The following NUP210 variants were observed in gnomAD, a reference collection of about 807,000 sequenced individuals.
The protein encoded by NUP210 is nuclear pore membrane glycoprotein 210.
In NUP210, 151 loss-of-function variants were observed where a neutral mutation model predicts 196.0. The observed-to-expected ratio is 0.77, with a 90% CI of 0.67 to 0.88. The LOEUF is 0.88. Ranked by LOEUF, NUP210 falls within the 40% of genes least tolerant of loss-of-function variation. The pLI is 0.00. For missense variants in NUP210, 2,314 were observed against 2,493.7 expected (o/e 0.93, Z 1.53); for synonymous variants, 1,070 against 1,052.7 (o/e 1.02, Z -0.32).
At chr3:13,403,369 G>A (rs939041292) in intron 1 of NUP210, among the ~76,000 whole-genome samples, 2 of 152,196 alleles carry the variant, frequency 1.3e-5, no homozygotes, top group East Asian at 1.9e-4. Flanking sequence ...CAGAAGGGGC[G>A]AGGGAGCTCT....
intron 20 of NUP210, chr3:13,345,165 C>T: frequency 1.0e-6 from 1 of 985,452 alleles, no homozygotes; most frequent in Non-Finnish European, 1.2e-6. Context: ...GGTCATGGAA[C>T]CTGGTGCTCC....
At chr3:13,335,699 C>T in intron 27 of NUP210, 87 bp from the exon 28 acceptor site, 1 of 1,406,184 alleles carries the variant, frequency 7.1e-7, no homozygotes, top group South Asian at 1.3e-5. Flanking sequence ...GCCCCAGACC[C>T]CCCAGCCCCC....
intron 9 of NUP210, among the ~76,000 whole-genome samples, chr3:13,377,017 C>T (rs547067395): frequency 2.0e-5 from 3 of 152,308 alleles, no homozygotes; most frequent in South Asian, 4.2e-4. Context: ...GTGCTGAGCT[C>T]GGCCTCTGTC....
intron 4 of NUP210, among the ~76,000 whole-genome samples, chr3:13,390,337 A>C (rs115702486): frequency 1.6e-3 from 246 of 152,324 alleles, no homozygotes; most frequent in African/African-American, 5.6e-3. Flanking sequence ...AAAGATTCAA[A>C]AACAACTTTA....
intron 1 of NUP210, among the ~76,000 whole-genome samples, chr3:13,418,194 G>A (rs1446844713): frequency 6.6e-6 from 1 of 152,216 alleles, no homozygotes; most frequent in East Asian, 1.9e-4. Context: ...TTCAGCCTCT[G>A]GCATCAGGCC....
intron 3 of NUP210, 148 bp downstream of exon 3, chr3:13,397,209 C>A: frequency 3.2e-6 from 3 of 934,328 alleles, no homozygotes; most frequent in South Asian, 4.2e-5. Flanking sequence ...TCCCCCAGCA[C>A]CAACTTCACC....
rs1251600785 is a variant in NUP210, at chr3:13,358,232, T to C, written c.2318A>G (p.Asn773Ser). ...ATAGCCCACACTCACCACCTGCTTGTTCTGCTGCAGCAGCGGACAGGACAT... is the reference window on the plus strand; with the variant it reads ...ATAGCCCACACTCACCACCTGCTTGCTCTGCTGCAGCAGCGGACAGGACAT... ...LDMSCPLLQQ[N>S]KQVVPVSSHR... is the part of the protein sequence containing the mutation. The change falls in exon 16 of 40, where the codon AAC (asparagine) becomes AGC (serine). Residue 773 changes from asparagine to serine, a missense_variant. Physicochemically the swap from Asn to Ser is conservative, Grantham distance 46 (BLOSUM62 1). Transcript: ENST00000254508. 2.5e-6 allele frequency: 4 copies of C among 1,607,414 alleles called. No homozygotes were observed. The highest frequency in any genetic ancestry group is 1.1e-5 in the South Asian group (1 of 90,658).
chr3:13,342,164 G>C (rs1330578361), intron 21 of NUP210, 41 bp from the exon 22 acceptor site: 4 of 1,611,588 alleles, frequency 2.5e-6, no homozygotes, highest in South Asian at 1.1e-5. Context: ...GCCTCCAAAA[G>C]ACCAATCCTA....
At chr3:13,406,070 T>C (rs1699992238) in intron 1 of NUP210, among the ~76,000 whole-genome samples, 1 of 152,172 alleles carries the variant, frequency 6.6e-6, no homozygotes, top group Non-Finnish European at 1.5e-5. Context: ...AAGGAAATGT[T>C]CAGTAAATTC....
At chr3:13,412,247 T>TTTTTTTTTTTTA (rs1553605356) in intron 1 of NUP210, among the ~76,000 whole-genome samples, 29 of 135,680 alleles carry the variant, frequency 2.1e-4, no homozygotes, top group African/African-American at 7.8e-4. Flanking sequence ...TTTTTTTTTT[T>TTTTTTTTTTTTA]AGTAGAGACA....
Position 13,391,650 on chromosome 3 carries a change from T to A in NUP210, c.437-343A>T, listed in dbSNP as rs898501023. On this transcript the variant is annotated intron_variant, in intron 3 of 39. Coordinates refer to ENST00000254508, the MANE Select transcript of NUP210 (RefSeq NM_024923.4). ...CCGCACGTCTGTGAGCGGTTTACAA[T>A]TTAGGAGTCTGCTCGGAAACCTGGG... Among the ~76,000 whole-genome samples, 12 of 145,728 alleles carry A rather than the reference T, an allele frequency of 8.2e-5. 1 individual carries two copies. The highest frequency in any genetic ancestry group is 3.0e-4 in the African/African-American group (12 of 39,466).
chr3:13,391,073 G>C, intron 4 of NUP210, 138 bp downstream of exon 4: 1 of 647,580 alleles, frequency 1.5e-6, no homozygotes. Context: ...TCAGACACTC[G>C]GAATGTTACG....
chr3:13,319,131 C>T lies in NUP210; in HGVS notation c.5504G>A (p.Arg1835Gln), dbSNP rs145799181. 62 of 1,609,756 alleles carry T rather than the reference C, an allele frequency of 3.9e-5. No individual in the cohort carries two copies. The highest frequency in any genetic ancestry group is 1.7e-4 in the Middle Eastern group (1 of 6,050). ...IIAYHTVCTPRDLAVPAALTP... is the reference protein window; with the variant it reads ...IIAYHTVCTPQDLAVPAALTP... ...GAGGGCTGCAGGCACAGCAAGATCCCGGGGCGTGCAGACAGTGTGGTAGGC... is the reference window on the plus strand; with the variant it reads ...GAGGGCTGCAGGCACAGCAAGATCCTGGGGCGTGCAGACAGTGTGGTAGGC... The change falls in exon 39 of 40, where the codon CGG (arginine) becomes CAG (glutamine). Residue 1835 changes from arginine (R) to glutamine (Q), a missense_variant. Physicochemically the swap from Arg to Gln is conservative, Grantham distance 43. Transcript: ENST00000254508.
At chr3:13,334,603 T>C (rs889864178) in intron 28 of NUP210, among the ~76,000 whole-genome samples, 3 of 152,192 alleles carry the variant, frequency 2.0e-5, no homozygotes, top group East Asian at 3.8e-4. Flanking sequence ...TTGGGACATA[T>C]AAGGAACACT....
At chr3:13,352,785 G>C (rs145297379) in intron 18 of NUP210, among the ~76,000 whole-genome samples, 1 of 152,166 alleles carries the variant, frequency 6.6e-6, no homozygotes, top group African/African-American at 2.4e-5. Context: ...TCCAATGCAC[G>C]GATGGAAGAG....
intron 1 of NUP210, among the ~76,000 whole-genome samples, chr3:13,418,247 T>C (rs1389352709): frequency 6.6e-6 from 1 of 152,098 alleles, no homozygotes; most frequent in Non-Finnish European, 1.5e-5. Flanking sequence ...AAAACCAAAA[T>C]GCAATGGGCT....
At chr3:13,338,030 C>G in intron 25 of NUP210, 113 bp from the exon 26 acceptor site, 1 of 949,912 alleles carries the variant, frequency 1.1e-6, no homozygotes, top group Non-Finnish European at 1.6e-6. Flanking sequence ...GGCGAGAAGG[C>G]CCCTCAGGAT....
At chr3:13,414,402 T>C (rs1233799885) in intron 1 of NUP210, among the ~76,000 whole-genome samples, 1 of 152,136 alleles carries the variant, frequency 6.6e-6, no homozygotes. Context: ...GCGGGCCTGG[T>C]GAAGGGAGTT....
At chr3:13,409,019 G>A (rs927357245) in intron 1 of NUP210, among the ~76,000 whole-genome samples, 6 of 152,168 alleles carry the variant, frequency 3.9e-5, no homozygotes, top group South Asian at 2.1e-4. Flanking sequence ...TCTGCTCAAT[G>A]TCCTCCCTCA....
Sources: allele counts gnomAD v4.1 joint callset (sites outside exome capture counted in the v4.1 genomes callset), GRCh38; gene constraint gnomAD v4.1.1; transcripts MANE v1.5; gene names NCBI Gene and HGNC (gene_info 2026-07-23, HGNC 2026-07-21).